Variants in TCN1 observed in about 807,000 individuals in gnomAD.
TCN1 encodes the protein transcobalamin 1.
A neutral mutation model predicts 46.3 loss-of-function variants in TCN1; 47 were observed. That is an observed-to-expected ratio of 1.01 (90% CI 0.80 to 1.29). The LOEUF is 1.29. Among genes scored for constraint, TCN1 ranks in the 50% most tolerant of loss-of-function variants. TCN1 has a pLI of 0.00. For synonymous variants in TCN1, 183 were observed against 192.5 expected, an observed-to-expected ratio of 0.95 and a Z score of 0.41; for missense variants, 532 against 511.0, an observed-to-expected ratio of 1.04 and a Z score of -0.40.
chr11:59,866,407 G>A lies in TCN1; in HGVS notation c.64C>T (p.Leu22=). 2 of 1,613,462 alleles carry A rather than the reference G, an allele frequency of 1.2e-6. No individual in the cohort carries two copies. Among genetic ancestry groups the A allele is most frequent in the African/African-American group, 1.3e-5 (1 of 75,004 alleles). ...GTTTACTCACCACAAATCTCGCATA[G>A]TTGGCTTGGAATAAAAGAAAACAGT... ...LLLFSFIPSQ[L]CEICEVSEEN... Residue 22 remains leucine, a synonymous_variant, in exon 1 of 9, where the codon CTA becomes TTA. Transcript: ENST00000257264.
rs1467725154 is a variant in TCN1, at chr11:59,853,260, TGGCACATA to T, written c.1175_1182del (p.Leu392GlnfsTer3). ...TCCCAGTAGGTTCTGTCATTATTGT[TGGCACATA>T]GGCCCTGAATACAGGTGATATAGGG... is the stretch of plus-strand genomic sequence containing the variant. On this transcript the variant is annotated frameshift_variant, in exon 8 of 9. Coordinates refer to ENST00000257264, the MANE Select transcript of TCN1 (RefSeq NM_001062.4). LOFTEE classifies it high-confidence loss of function. 6.2e-7 allele frequency: 1 copy of T among 1,614,190 alleles called. No homozygotes were observed. The highest frequency in any genetic ancestry group is 1.7e-5 in the Admixed American group (1 of 60,024).
At chr11:59,863,218 C>T (rs1853036186) in intron 2 of TCN1, among the ~76,000 whole-genome samples, 1 of 152,144 alleles carries the variant, frequency 6.6e-6, no homozygotes, top group Non-Finnish European at 1.5e-5. Context: ...TAGAGCAGTA[C>T]TGTATAAATG....
chr11:59,854,189 C>T (rs1377666671), intron 7 of TCN1, among the ~76,000 whole-genome samples: 1 of 151,298 alleles, frequency 6.6e-6, no homozygotes, highest in Non-Finnish European at 1.5e-5. Flanking sequence ...CCCAGGAATT[C>T]AAGACCAGCC....
chr11:59,852,883 T>C lies in TCN1; in HGVS notation c.*92A>G, dbSNP rs1457837892. ...GGGAGGTTATTAACTCTCCTGCTCGTACTGGGATAAATGAAGAAGAAGGCA... is the reference window on the plus strand; with the variant it reads ...GGGAGGTTATTAACTCTCCTGCTCGCACTGGGATAAATGAAGAAGAAGGCA... On this transcript the variant is annotated 3_prime_UTR_variant, in exon 9 of 9. Transcript: ENST00000257264. 7.7e-6 allele frequency: 9 copies of C among 1,176,120 alleles called. No individual in the cohort carries two copies. In the East Asian group the frequency reaches 2.1e-4, roughly 27 times the overall value. 72.9% of individuals were successfully genotyped at this position (1,176,120 alleles called of 1,614,324 possible).
At chr11:59,866,100 T>C (rs918606959) in intron 1 of TCN1, among the ~76,000 whole-genome samples, 1 of 152,176 alleles carries the variant, frequency 6.6e-6, no homozygotes, top group African/African-American at 2.4e-5. Context: ...TTTCTGTCAT[T>C]GAAAAGTCAC....
At chr11:59,859,416 A>T (rs1852994228) in intron 4 of TCN1, 149 bp from the exon 5 acceptor site, 1 of 785,384 alleles carries the variant, frequency 1.3e-6, no homozygotes, top group Non-Finnish European at 2.2e-6. Flanking sequence ...TTGGTGAAGA[A>T]AGATTTCAAG....
chr11:59,861,649 T>A lies in TCN1; in HGVS notation c.434A>T (p.Tyr145Phe). Residue 145 changes from tyrosine to phenylalanine, a missense_variant, in exon 4 of 9, where the codon TAC (tyrosine) becomes TTC (phenylalanine). By Grantham distance (22) the Tyr-to-Phe change is conservative. Transcript: ENST00000257264. Reference sequence around the variant, plus strand: ...GGCCAAAACGTCCAGGCTGAGCTGGTAGTAGTTAGTCAGGGGAGTGCCATT... The same window carrying A: ...GGCCAAAACGTCCAGGCTGAGCTGGAAGTAGTTAGTCAGGGGAGTGCCATT... ...AHNGTPLTNY[Y>F]QLSLDVLALC... 6.2e-7 allele frequency: 1 copy of A among 1,614,086 alleles called. No homozygotes were observed. Among genetic ancestry groups the A allele is most frequent in the Non-Finnish European group, 8.5e-7 (1 of 1,179,968 alleles).
intron 7 of TCN1, among the ~76,000 whole-genome samples, chr11:59,854,446 G>A (rs1450245265): frequency 4.1e-5 from 6 of 146,566 alleles, no homozygotes; most frequent in South Asian, 2.1e-4. Context: ...TTTATTTAGC[G>A]AACATTAATT....
intron 6 of TCN1, 82 bp downstream of exon 6, chr11:59,855,787 G>C: frequency 1.3e-6 from 2 of 1,486,318 alleles, no homozygotes; most frequent in Admixed American, 1.7e-5. Flanking sequence ...GGTCACTTTT[G>C]GTTTCAAAGG....
chr11:59,853,226 CT>C lies in TCN1; in HGVS notation c.1216del (p.Ser406ValfsTer6), dbSNP rs1263865635. On this transcript the variant is annotated frameshift_variant, in exon 8 of 9. Coordinates refer to ENST00000257264, the MANE Select transcript of TCN1 (RefSeq NM_001062.4). LOFTEE classifies it high-confidence loss of function. ...NNDRTYWELL[S>X]GGEPLSQGAG... ...ACCTTGGCTCAGTGGTTCGCCTCCACTCAGAAGTTCCCAGTAGGTTCTGTCA... is the reference window on the plus strand; with the variant it reads ...ACCTTGGCTCAGTGGTTCGCCTCCACCAGAAGTTCCCAGTAGGTTCTGTCA... 6.2e-7 allele frequency: 1 copy of C among 1,614,134 alleles called. No individual in the cohort carries two copies.
chr11:59,865,372 T>G (rs1853062318), intron 1 of TCN1, among the ~76,000 whole-genome samples: 1 of 152,174 alleles, frequency 6.6e-6, no homozygotes, highest in Admixed American at 6.6e-5. Context: ...TTAATTATTA[T>G]CATTATTATT....
chr11:59,864,942 C>T (rs921138608), intron 1 of TCN1, among the ~76,000 whole-genome samples: 1 of 152,116 alleles, frequency 6.6e-6, no homozygotes, highest in African/African-American at 2.4e-5. Context: ...TGCTCCTTAA[C>T]TTATGACTGT....
At chr11:59,863,869 AT>A in intron 2 of TCN1, 37 bp downstream of exon 2, 3 of 1,611,034 alleles carry the variant, frequency 1.9e-6, no homozygotes, top group East Asian at 2.2e-5. Flanking sequence ...AAATAGGTAG[AT>A]TTTTTTCTAA....
chr11:59,861,798 A>G, intron 3 of TCN1, 116 bp from the exon 4 acceptor site: 1 of 1,236,050 alleles, frequency 8.1e-7, no homozygotes, highest in Non-Finnish European at 1.2e-6. Flanking sequence ...AAGGTGGCTA[A>G]TAGAAGGGGG....
rs369761477 is a variant in TCN1 at position 59,853,023 on chromosome 11, G to C, written c.1254C>G (p.Tyr418Ter). 1 of 1,614,130 alleles carries C rather than the reference G, an allele frequency of 6.2e-7. No homozygotes were observed. The change falls in exon 9 of 9, where the codon TAC becomes TAG. Residue 418 changes from tyrosine (Y) to a stop codon, truncating the protein, a stop_gained. Coordinates refer to ENST00000257264, the MANE Select transcript of TCN1 (RefSeq NM_001062.4). LOFTEE classifies it high-confidence loss of function. The stretch of plus-strand genomic sequence containing the variant: ...CCAAGTTTTCTCCATTGCGGACAAC[G>C]TAACTACCAGCTCCTGAAAAGGAAG... Reference protein sequence around the residue: ...GEPLSQGAGSYVVRNGENLEV... With the variant: ...GEPLSQGAGS
In TCN1 at chr11:59,855,526, T is replaced by A. The variant is rs547234233; in HGVS notation, c.937+343A>T. Among the ~76,000 whole-genome samples, 197 of 152,310 alleles carry A rather than the reference T, an allele frequency of 1.3e-3. 1 individual carries two copies. Among genetic ancestry groups the A allele is most frequent in the Non-Finnish European group, 9.1e-4 (62 of 68,032 alleles). ...CTAAGGGATCACTCACTGTGCAAAG[T>A]CAGAGTCACGGTACCAATACTCCAT... is the stretch of plus-strand genomic sequence containing the variant. On this transcript the variant is annotated intron_variant, in intron 6 of 8. Coordinates refer to ENST00000257264, the MANE Select transcript of TCN1 (RefSeq NM_001062.4).
At position 59,854,768 on chromosome 11, in the gene TCN1, G is replaced by GGAGATATAT; in HGVS notation, c.996_1004dup (p.Tyr333_Ser335dup). The GGAGATATAT allele has an allele frequency of 6.2e-7, 1 of 1,613,986 alleles. No individual in the cohort carries two copies. The highest frequency in any genetic ancestry group is 1.1e-5 in the South Asian group (1 of 91,086). On this transcript the variant is annotated inframe_insertion, in exon 7 of 9. Transcript: ENST00000257264. ...CATTGATTCTCACAGAGTAATTGAC[G>GGAGATATAT]GAGATATATGATTGTGAGTCAGGAG...
At chr11:59,864,173 CAG>C in intron 1 of TCN1, 87 bp from the exon 2 acceptor site, 1 of 1,452,144 alleles carries the variant, frequency 6.9e-7, no homozygotes, top group Non-Finnish European at 9.6e-7. Context: ...TATTTAGTAA[CAG>C]ATATGGCACA....
intron 1 of TCN1, 120 bp downstream of exon 1, chr11:59,866,272 G>T: frequency 2.0e-6 from 2 of 988,582 alleles, no homozygotes; most frequent in Non-Finnish European, 3.2e-6. Context: ...CATTCATGGA[G>T]TCCAACCACA....
Sources: allele counts gnomAD v4.1 joint callset (sites outside exome capture counted in the v4.1 genomes callset), GRCh38; gene constraint gnomAD v4.1.1; transcripts MANE v1.5; gene names NCBI Gene and HGNC (gene_info 2026-07-23, HGNC 2026-07-21).